The following DNAH11 variants were observed in gnomAD, a reference collection of about 807,000 sequenced individuals.
The protein encoded by DNAH11 is axonemal beta dynein heavy chain 11.
A neutral mutation model predicts 526.0 loss-of-function variants in DNAH11; 442 were observed. The ratio of observed to expected loss-of-function variants is 0.84; its 90% CI spans 0.78 to 0.91. The LOEUF (loss-of-function observed/expected upper bound fraction) is 0.91. Among genes scored for constraint, DNAH11 ranks in the 40% least tolerant of loss-of-function variants. DNAH11 has a pLI of 0.00. For missense variants in DNAH11, 6,989 were observed against 5,448.7 expected, an observed-to-expected ratio of 1.28 and a Z score of -8.90; for synonymous variants, 2,461 against 1,935.9, an observed-to-expected ratio of 1.27 and a Z score of -7.12.
chr7:21,763,722 T>C lies in DNAH11; in HGVS notation c.8941-1706T>C, dbSNP rs1038433628. Among the ~76,000 whole-genome samples, 3 of 150,518 alleles carry C rather than the reference T, an allele frequency of 2.0e-5. No individual in the cohort carries two copies. In the Admixed American group the frequency reaches 2.0e-4, roughly 10 times the overall value. On this transcript the variant is annotated intron_variant, in intron 54 of 81. Coordinates refer to ENST00000409508, the MANE Select transcript of DNAH11 (RefSeq NM_001277115.2). ...TACACTTTCATGTTCACTGCAGCGT[T>C]ATTCACGATAGCTGAGATATGCAAG...
intron 79 of DNAH11, among the ~76,000 whole-genome samples, chr7:21,895,972 G>T (rs956217523): frequency 4.6e-5 from 7 of 151,996 alleles, no homozygotes; most frequent in Non-Finnish European, 8.8e-5. Context: ...CTCATGATCT[G>T]CCCGCCTCAG....
At chr7:21,719,759 C>T (rs1784805203) in intron 43 of DNAH11, among the ~76,000 whole-genome samples, 1 of 152,174 alleles carries the variant, frequency 6.6e-6, no homozygotes, top group Non-Finnish European at 1.5e-5. Context: ...GAAGGAAAGG[C>T]ACACACACAG....
chr7:21,825,222 G>A (rs114596844), intron 65 of DNAH11, among the ~76,000 whole-genome samples: 17 of 152,178 alleles, frequency 1.1e-4, no homozygotes, highest in Admixed American at 3.9e-4. Context: ...TTTATTTAGC[G>A]TTCTTATTGA....
intron 24 of DNAH11, 44 bp from the exon 25 acceptor site, chr7:21,619,912 A>G (rs779266560): frequency 5.3e-6 from 8 of 1,518,124 alleles, no homozygotes; most frequent in Non-Finnish European, 7.1e-6. Flanking sequence ...CATATTGATT[A>G]TCAATTAAAT....
chr7:21,596,976 A>G (rs530537105), intron 14 of DNAH11, among the ~76,000 whole-genome samples: 1 of 152,302 alleles, frequency 6.6e-6, no homozygotes, highest in Non-Finnish European at 1.5e-5. Flanking sequence ...TCTGGTGAGG[A>G]ACATGGTTTG....
At chr7:21,653,888 A>G (rs530530610) in intron 28 of DNAH11, among the ~76,000 whole-genome samples, 1 of 152,192 alleles carries the variant, frequency 6.6e-6, no homozygotes, top group Non-Finnish European at 1.5e-5. Context: ...GTTCCTTGCC[A>G]ATATTGGTGT....
chr7:21,712,113 A>G (rs373100299), intron 42 of DNAH11, among the ~76,000 whole-genome samples: 14 of 152,278 alleles, frequency 9.2e-5, no homozygotes, highest in Middle Eastern at 6.8e-3. Flanking sequence ...TAGGTACCGC[A>G]TATAAATGGA....
At chr7:21,899,746 A>G (rs2128052109) in intron 80 of DNAH11, among the ~76,000 whole-genome samples, 1 of 152,266 alleles carries the variant, frequency 6.6e-6, no homozygotes, top group South Asian at 2.1e-4. Flanking sequence ...TAGTGCGAAA[A>G]CCACAGACAA....
intron 63 of DNAH11, among the ~76,000 whole-genome samples, chr7:21,809,582 A>T (rs1189369303): frequency 6.6e-6 from 1 of 151,766 alleles, no homozygotes; most frequent in Non-Finnish European, 1.5e-5. Context: ...TGTTTTTTTG[A>T]GACGGAGTTT....
At chr7:21,832,632 G>A (rs1401000770) in intron 65 of DNAH11, among the ~76,000 whole-genome samples, 3 of 152,144 alleles carry the variant, frequency 2.0e-5, no homozygotes, top group Non-Finnish European at 4.4e-5. Flanking sequence ...AAAGCCTAGA[G>A]GAAGGAGCAT....
intron 66 of DNAH11, among the ~76,000 whole-genome samples, chr7:21,849,259 C>T (rs867243665): frequency 7.2e-5 from 11 of 152,312 alleles, no homozygotes; most frequent in Middle Eastern, 3.4e-3. Flanking sequence ...TTCTCATTTC[C>T]TCCCTCTCAT....
At position 21,787,393 on chromosome 7, in the gene DNAH11, C is replaced by T. The variant is rs756046359; in HGVS notation, c.9742-8C>T. The T allele has an allele frequency of 3.1e-6, 5 of 1,594,118 alleles. No homozygotes were observed. The African/African-American group carries it at 5.4e-5, about 17-fold the overall frequency. On this transcript the variant is annotated splice_region_variant and splice_polypyrimidine_tract_variant and intron_variant, in intron 59 of 81. Transcript: ENST00000409508. Reference sequence around the variant, plus strand: ...GGGTTCATTGCAATAAATCTTTTTGCTTTGCAGGTTGATGATTTTTTGCAA... The same window carrying T: ...GGGTTCATTGCAATAAATCTTTTTGTTTTGCAGGTTGATGATTTTTTGCAA...
At chr7:21,895,737 T>C (rs1784488413) in intron 79 of DNAH11, among the ~76,000 whole-genome samples, 1 of 152,152 alleles carries the variant, frequency 6.6e-6, no homozygotes, top group Admixed American at 6.5e-5. Flanking sequence ...TTTTGACTTT[T>C]CTTTCTTTTT....
chr7:21,838,715 A>AATATTTAT (rs1782088962), intron 65 of DNAH11, among the ~76,000 whole-genome samples: 1 of 130,358 alleles, frequency 7.7e-6, no homozygotes, highest in African/African-American at 3.2e-5. Flanking sequence ...GGATTTTTAA[A>AATATTTAT]CTATTTATTT....
In DNAH11 at chr7:21,600,886, G is replaced by C; in HGVS notation, c.3211G>C (p.Glu1071Gln). 6.2e-7 allele frequency: 1 copy of C among 1,613,952 alleles called. No homozygotes were observed. The highest frequency in any genetic ancestry group is 8.5e-7 in the Non-Finnish European group (1 of 1,179,854). ...TGAAATGGATGCTCATGCAAATGAAGAAATTCCCGAACAACCACCAACTCT... is the reference window on the plus strand; with the variant it reads ...TGAAATGGATGCTCATGCAAATGAACAAATTCCCGAACAACCACCAACTCT... ...SDEMDAHANE[E>Q]IPEQPPTLEQ... The change falls in exon 16 of 82, where the codon GAA (glutamate) becomes CAA (glutamine). Residue 1071 changes from glutamate (E) to glutamine (Q), a missense_variant. Glu to Gln is a conservative substitution (Grantham distance 29). Transcript: ENST00000409508.
At chr7:21,618,943 AG>A (rs1289909219) in intron 23 of DNAH11, among the ~76,000 whole-genome samples, 156 bp from the exon 24 acceptor site, 1 of 152,240 alleles carries the variant, frequency 6.6e-6, no homozygotes, top group Non-Finnish European at 1.5e-5. Context: ...TGAGTTAAAA[AG>A]GAGTGTCTTA....
intron 58 of DNAH11, 57 bp from the exon 59 acceptor site, chr7:21,786,567 T>C: frequency 6.5e-7 from 1 of 1,527,604 alleles, no homozygotes; most frequent in Non-Finnish European, 8.8e-7. Flanking sequence ...CTTACAGAGC[T>C]TCTCCAGACT....
intron 39 of DNAH11, among the ~76,000 whole-genome samples, chr7:21,706,266 T>A (rs949702362): frequency 1.3e-5 from 2 of 152,176 alleles, no homozygotes; most frequent in African/African-American, 4.8e-5. Context: ...CCTGGAAACA[T>A]ACTTATTTTC....
At chr7:21,866,384 T>G in intron 70 of DNAH11, 86 bp from the exon 71 acceptor site, 1 of 1,281,302 alleles carries the variant, frequency 7.8e-7, no homozygotes, top group Non-Finnish European at 1.1e-6. Flanking sequence ...TTTTTTTACA[T>G]AAGATTAGAT....
Sources: gnomAD v4.1 joint callset for allele counts (sites outside exome capture counted in the v4.1 genomes callset) on GRCh38, gnomAD v4.1.1 for gene constraint, MANE v1.5 for transcripts, NCBI Gene and HGNC (gene_info 2026-07-23, HGNC 2026-07-21) for gene names.